ZNF345: variants seen among roughly 807,000 people sequenced by gnomAD.
The protein encoded by ZNF345 is zinc finger protein 345, also known as zinc finger protein HZF10.
For missense variants in ZNF345, 527 were observed against 589.9 expected, an observed-to-expected ratio of 0.89 and a Z score of 1.10; for synonymous variants, 166 against 187.9, an observed-to-expected ratio of 0.88 and a Z score of 0.95.
In ZNF345 at chr19:36,877,836, C is replaced by A. The variant is rs762643307; in HGVS notation, c.1006C>A (p.His336Asn). ...GSKLIQHQRM[H>N]TGEKPYECKE... The stretch of plus-strand genomic sequence containing the variant: ...AAAACTTATTCAGCATCAAAGAATG[C>A]ATACTGGAGAGAAACCTTATGAATG... The change falls in exon 3 of 3, where the codon CAT becomes AAT. Residue 336 changes from histidine (H) to asparagine (N), a missense_variant. Physicochemically the swap from His to Asn is moderately conservative, Grantham distance 68. Coordinates refer to ENST00000420450, the MANE Select transcript of ZNF345 (RefSeq NM_001242472.2). 1 of 1,613,882 alleles carries A rather than the reference C, an allele frequency of 6.2e-7. No homozygotes were observed. The highest frequency in any genetic ancestry group is 8.5e-7 in the Non-Finnish European group (1 of 1,179,934).
downstream of ZNF345, among the ~76,000 whole-genome samples, chr19:36,883,394 C>T (rs1481485225): frequency 2.6e-5 from 4 of 152,206 alleles, no homozygotes; most frequent in Non-Finnish European, 5.9e-5. Context: ...GACACATTTA[C>T]TAATTATACT....
At chr19:36,882,547 G>A (rs983734887), downstream of ZNF345, among the ~76,000 whole-genome samples, 1 of 152,106 alleles carries the variant, frequency 6.6e-6, no homozygotes, top group Admixed American at 6.5e-5. Flanking sequence ...GATTACAGGC[G>A]TGAGCCACTG....
chr19:36,886,421 T>C lies in ZNF345; in HGVS notation c.47-6397T>C, dbSNP rs957196629. ...GAATCTTTGATATCTATGAGGAAAA[T>C]GGCACTTTACCTCTGTGATCTTCCT... On this transcript the variant is annotated intron_variant, in intron 3 of 3. Coordinates refer to the ZNF345 transcript ENST00000526123. Among the ~76,000 whole-genome samples the C allele has an allele frequency of 2.8e-4, 43 of 152,184 alleles. 1 individual carries two copies. Among genetic ancestry groups the C allele is most frequent in the Non-Finnish European group, 8.8e-5 (6 of 68,026 alleles).
chr19:36,852,932 T>A (rs1425185459), intron 2 of ZNF345, among the ~76,000 whole-genome samples: 1 of 150,590 alleles, frequency 6.6e-6, no homozygotes, highest in African/African-American at 2.4e-5. Flanking sequence ...CAGTTGAATG[T>A]CCCCTTTTAT....
intron 3 of ZNF345, chr19:36,889,359 T>C (rs911443602): frequency 2.6e-5 from 4 of 152,180 alleles, no homozygotes; most frequent in Non-Finnish European, 5.9e-5. Context: ...ATAGTTTCAA[T>C]AGTGCTGTTA....
At chr19:36,891,595 T>C in intron 3 of ZNF345, 1 of 1,613,722 alleles carries the variant, frequency 6.2e-7, no homozygotes, top group South Asian at 1.1e-5. Context: ...GTGAATTCTC[T>C]GATGTCGAGT....
chr19:36,864,380 G>T (rs529677106), intron 2 of ZNF345, among the ~76,000 whole-genome samples: 5 of 152,088 alleles, frequency 3.3e-5, no homozygotes, highest in Admixed American at 3.3e-4. Flanking sequence ...GCCAGGTGTG[G>T]TGCATGTGCC....
intron 3 of ZNF345, among the ~76,000 whole-genome samples, chr19:36,886,045 T>C (rs759782431): frequency 2.0e-5 from 3 of 152,188 alleles, no homozygotes; most frequent in Non-Finnish European, 4.4e-5. Flanking sequence ...TTAGATGATA[T>C]CACTCCAAGA....
chr19:36,872,062 C>T (rs948437743), intron 2 of ZNF345, among the ~76,000 whole-genome samples: 11 of 152,034 alleles, frequency 7.2e-5, no homozygotes, highest in African/African-American at 1.9e-4. Context: ...TCACCATGCC[C>T]GGCCCTGTTT....
chr19:36,887,079 C>T (rs2073005199), intron 3 of ZNF345, among the ~76,000 whole-genome samples: 1 of 151,792 alleles, frequency 6.6e-6, no homozygotes, highest in South Asian at 2.1e-4. Flanking sequence ...AGGAGATCCA[C>T]TTGAACCCGG....
intron 2 of ZNF345, chr19:36,854,330 A>G (rs1323653796): frequency 1.3e-5 from 2 of 151,918 alleles, no homozygotes; most frequent in African/African-American, 4.8e-5. Flanking sequence ...GCTGTATTAG[A>G]AAGACTAAAA....
At chr19:36,859,041 C>G (rs972552268) in intron 2 of ZNF345, among the ~76,000 whole-genome samples, 3 of 150,970 alleles carry the variant, frequency 2.0e-5, no homozygotes, top group African/African-American at 7.3e-5. Context: ...GAGAGAAAAC[C>G]TAAAGTATAT....
At chr19:36,885,771 G>C (rs1424251170) in intron 3 of ZNF345, among the ~76,000 whole-genome samples, 1 of 152,182 alleles carries the variant, frequency 6.6e-6, no homozygotes, top group African/African-American at 2.4e-5. Context: ...AATGAAGTCT[G>C]AGAGAAGTTT....
rs190658072 is a variant in ZNF345 at position 36,886,666 on chromosome 19, T to A, written c.47-6152T>A. 4.4e-3 allele frequency among the ~76,000 whole-genome samples: 674 copies of A among 151,666 alleles called. 21 individuals carry two copies. Among genetic ancestry groups the A allele is most frequent in the Admixed American group, 0.031 (477 of 15,246 alleles). On this transcript the variant is annotated intron_variant, in intron 3 of 3. Coordinates refer to the ZNF345 transcript ENST00000526123. ...TTCGAGACCAGCCTGGCCAACATGGTGAAGCCCCGTCTCTACTAAAAATAC... is the reference window on the plus strand; with the variant it reads ...TTCGAGACCAGCCTGGCCAACATGGAGAAGCCCCGTCTCTACTAAAAATAC...
At position 36,878,273 on chromosome 19, in the gene ZNF345, C is replaced by T. The variant is rs2146209012; in HGVS notation, c.1443C>T (p.Leu481=). ...QHKKSHNGKK[L]CELETIN is the part of the protein sequence containing the mutation. Reference sequence around the variant, plus strand: ...AGAAAAGTCATAATGGTAAGAAACTCTGCGAATTGGAAACTATAAATTGAA... The same window carrying T: ...AGAAAAGTCATAATGGTAAGAAACTTTGCGAATTGGAAACTATAAATTGAA... The change falls in exon 3 of 3, where the codon CTC becomes CTT. Residue 481 remains leucine (L), a synonymous_variant. Coordinates refer to ENST00000420450, the MANE Select transcript of ZNF345 (RefSeq NM_001242472.2). The T allele has an allele frequency of 6.3e-7, 1 of 1,577,082 alleles. No homozygotes were observed. Among genetic ancestry groups the T allele is most frequent in the East Asian group, 2.2e-5 (1 of 44,544 alleles).
At chr19:36,870,879 G>A (rs2072757960) in intron 2 of ZNF345, among the ~76,000 whole-genome samples, 2 of 152,036 alleles carry the variant, frequency 1.3e-5, no homozygotes, top group Admixed American at 1.3e-4. Context: ...GGTCTGGGAA[G>A]TTGCCCTTAA....
At chr19:36,857,325 G>C (rs1325787791) in intron 2 of ZNF345, among the ~76,000 whole-genome samples, 7 of 149,974 alleles carry the variant, frequency 4.7e-5, no homozygotes, top group Non-Finnish European at 7.4e-5. Context: ...TATTTATTTT[G>C]AGACGGAGTC....
At chr19:36,891,879 G>A in intron 3 of ZNF345, 1 of 1,613,908 alleles carries the variant, frequency 6.2e-7, no homozygotes, top group Non-Finnish European at 8.5e-7. Flanking sequence ...GTTGAGTAAA[G>A]GCTTTCCCAC....
chr19:36,874,504 A>G lies in ZNF345; in HGVS notation c.-46-2281A>G, dbSNP rs866076231. On this transcript the variant is annotated intron_variant, in intron 2 of 2. Transcript: ENST00000420450. ...AGTGAAACTCCACTAAAAAAAAAAA[A>G]AGGGGGGTGGGGTGCCAGGCCTGGT... 4.8e-4 allele frequency among the ~76,000 whole-genome samples: 69 copies of G among 145,056 alleles called. 1 individual carries two copies. The highest frequency in any genetic ancestry group is 1.3e-3 in the South Asian group (6 of 4,610).
Sources: gnomAD v4.1 joint callset for allele counts (sites outside exome capture counted in the v4.1 genomes callset) on GRCh38, gnomAD v4.1.1 for gene constraint, MANE v1.5 for transcripts, NCBI Gene and HGNC (gene_info 2026-07-23, HGNC 2026-07-21) for gene names.